The following ARHGAP45 variants were observed in gnomAD, a reference collection of about 807,000 sequenced individuals.
ARHGAP45 encodes Rho GTPase activating protein 45, also known as rho GTPase-activating protein 45.
In ARHGAP45, 56 loss-of-function variants were observed where a neutral mutation model predicts 116.1. The ratio of observed to expected loss-of-function variants is 0.48; its 90% CI spans 0.39 to 0.60. ARHGAP45 has a LOEUF of 0.60. Ranked by LOEUF, ARHGAP45 falls within the 20% of genes least tolerant of loss-of-function variation. The pLI is 0.00. For missense variants in ARHGAP45, 1,622 were observed against 1,601.0 expected, an observed-to-expected ratio of 1.01 and a Z score of -0.22; for synonymous variants, 866 against 701.7, an observed-to-expected ratio of 1.23 and a Z score of -3.70.
rs761174792 is a variant in ARHGAP45 at position 1,080,896 on chromosome 19, C to A, written c.2022C>A (p.Asp674Glu). 1.2e-6 allele frequency: 2 copies of A among 1,608,214 alleles called. No homozygotes were observed. Among genetic ancestry groups the A allele is most frequent in the Admixed American group, 1.7e-5 (1 of 59,748 alleles). The change falls in exon 17 of 23, where the codon GAC (aspartate) becomes GAA (glutamate). Residue 674 changes from aspartate (D) to glutamate (E), a missense_variant. Transcript: ENST00000313093. ...GAGASAFEQA[D>E]LNGMTPELPV... ...GGCTGCCTGTGCTGCCCGCAGCTGACCTCAACGGCATGACCCCCGAGCTGC... is the reference window on the plus strand; with the variant it reads ...GGCTGCCTGTGCTGCCCGCAGCTGAACTCAACGGCATGACCCCCGAGCTGC...
At chr19:1,081,280 G>A (rs1004428369) in intron 17 of ARHGAP45, 1 of 656,170 alleles carries the variant, frequency 1.5e-6, no homozygotes, top group Non-Finnish European at 2.6e-6. Flanking sequence ...CAGACCTGGA[G>A]GGTGAAGAGT....
chr19:1,067,114 G>C (rs997760454), upstream of ARHGAP45: 3 of 1,077,592 alleles, frequency 2.8e-6, no homozygotes, highest in South Asian at 4.2e-5. Context: ...AGGCGGAAGC[G>C]GGGGGCGCGG....
At chr19:1,082,637 G>C (rs1272225041) in intron 19 of ARHGAP45, 1 of 556,262 alleles carries the variant, frequency 1.8e-6, no homozygotes, top group Non-Finnish European at 3.1e-6. Context: ...GAAAGGGAGT[G>C]GAGCTGCGGG....
At chr19:1,066,420 T>G, upstream of ARHGAP45, 1 of 531,812 alleles carries the variant, frequency 1.9e-6, no homozygotes, top group South Asian at 2.2e-5. Flanking sequence ...CCAGAGTCAC[T>G]GGAATGCAGC....
intron 17 of ARHGAP45, 69 bp downstream of exon 17, chr19:1,081,133 C>T: frequency 2.7e-6 from 4 of 1,482,884 alleles, no homozygotes; most frequent in South Asian, 1.3e-5. Context: ...CACCGCCGGC[C>T]TGTGTGCCCT....
At position 1,085,983 on chromosome 19, in the gene ARHGAP45, G is replaced by A. The variant is rs758563893; in HGVS notation, c.3388G>A (p.Glu1130Lys). ...GCGGATGACACTGGGCTCCTGCAGGGAAAGGCAGCCGGAATTCGTGTGAGC... is the reference window on the plus strand; with the variant it reads ...GCGGATGACACTGGGCTCCTGCAGGAAAAGGCAGCCGGAATTCGTGTGAGC... ...GGRMTLGSCR[E>K]RQPEFV The change falls in exon 23 of 23, where the codon GAA becomes AAA. Residue 1130 changes from glutamate to lysine, a missense_variant. Coordinates refer to ENST00000313093, the MANE Select transcript of ARHGAP45 (RefSeq NM_012292.5). 6.2e-7 allele frequency: 1 copy of A among 1,612,408 alleles called. No homozygotes were observed. The highest frequency in any genetic ancestry group is 8.5e-7 in the Non-Finnish European group (1 of 1,179,714).
chr19:1,074,326 C>G lies in ARHGAP45; in HGVS notation c.929-17C>G. 1 of 1,611,108 alleles carries G rather than the reference C, an allele frequency of 6.2e-7. No individual in the cohort carries two copies. Among genetic ancestry groups the G allele is most frequent in the Non-Finnish European group, 8.5e-7 (1 of 1,178,886 alleles). On this transcript the variant is annotated splice_polypyrimidine_tract_variant and intron_variant, in intron 7 of 22. Coordinates refer to ENST00000313093, the MANE Select transcript of ARHGAP45 (RefSeq NM_012292.5). ...AAGGCCTTGTCCCAGCACCTCACAC[C>G]CCTCTCCGGCCCGCAGAGATGGAGT... is the stretch of plus-strand genomic sequence containing the variant.
At chr19:1,085,552 T>TCTCCTGTCTCTCCATCC in intron 22 of ARHGAP45, 108 bp from the exon 23 acceptor site, 1 of 759,588 alleles carries the variant, frequency 1.3e-6, no homozygotes, top group Non-Finnish European at 2.1e-6. Flanking sequence ...TCTCTCCATC[T>TCTCCTGTCTCTCCATCC]CTCTCCCCCC....
chr19:1,067,520 G>A lies in ARHGAP45; in HGVS notation c.90+25G>A, dbSNP rs778194698. ...GGTGAGTGGAGCCCGGGTGAGACCC[G>A]GAGCTGACGCCGGGCCGCAGGGGGA... On this transcript the variant is annotated intron_variant, in intron 1 of 22. Transcript: ENST00000313093. 5.1e-6 allele frequency: 8 copies of A among 1,570,080 alleles called. No individual in the cohort carries two copies. The East Asian group carries it at 6.9e-5, about 14-fold the overall frequency.
Position 1,086,551 on chromosome 19 carries a change from G to A in ARHGAP45, c.*545G>A, listed in dbSNP as rs1307661776. ...TGGCCACCTGGGGCTCAGGTACACA[G>A]TGGGGTCTCTCGGAAGCCACCGTGT... On this transcript the variant is annotated 3_prime_UTR_variant, in exon 23 of 23. Coordinates refer to ENST00000313093, the MANE Select transcript of ARHGAP45 (RefSeq NM_012292.5). The A allele has an allele frequency of 6.6e-6, 1 of 152,590 alleles. No individual in the cohort carries two copies. The highest frequency in any genetic ancestry group is 6.5e-5 in the Admixed American group (1 of 15,288). 9.5% of individuals were successfully genotyped at this position (152,590 alleles called of 1,614,324 possible).
intron 21 of ARHGAP45, 121 bp from the exon 22 acceptor site, chr19:1,084,117 C>A: frequency 1.1e-6 from 1 of 907,574 alleles, no homozygotes; most frequent in Non-Finnish European, 1.8e-6. Context: ...TGGCTGAGGA[C>A]AGACCGCCTG....
chr19:1,082,767 C>A, intron 19 of ARHGAP45, 73 bp from the exon 20 acceptor site: 1 of 1,300,902 alleles, frequency 7.7e-7, no homozygotes, highest in Non-Finnish European at 1.0e-6. Flanking sequence ...GGGGCTGAGG[C>A]TGGGGGCGTG....
chr19:1,077,306 G>C, intron 10 of ARHGAP45: 1 of 985,280 alleles, frequency 1.0e-6, no homozygotes, highest in Non-Finnish European at 1.2e-6. Context: ...TCAGCTTCCC[G>C]GGCTGCAGAG....
At chr19:1,075,829 C>T (rs1046070636) in intron 10 of ARHGAP45, among the ~76,000 whole-genome samples, 4 of 152,112 alleles carry the variant, frequency 2.6e-5, no homozygotes, top group Non-Finnish European at 5.9e-5. Context: ...TTTTTGTTTG[C>T]TTTTTAGCTG....
upstream of ARHGAP45, chr19:1,066,473 G>A (rs2043033501): frequency 7.0e-6 from 3 of 426,308 alleles, no homozygotes; most frequent in Non-Finnish European, 1.3e-5. Flanking sequence ...GCAGGTCTGG[G>A]GCAACATGAT....
At chr19:1,067,823 A>T (rs1610096) in intron 1 of ARHGAP45, 2 of 600,912 alleles carry the variant, frequency 3.3e-6, no homozygotes, top group Non-Finnish European at 6.0e-6. Flanking sequence ...TGGGGGCTCT[A>T]GGGGCCGTTG....
At chr19:1,072,637 G>A (rs1599753936) in intron 2 of ARHGAP45, among the ~76,000 whole-genome samples, 2 of 152,284 alleles carry the variant, frequency 1.3e-5, no homozygotes, top group African/African-American at 2.4e-5. Flanking sequence ...CTATTGCCCT[G>A]GAGATAAAGC....
In ARHGAP45 at chr19:1,081,690, C is replaced by T; in HGVS notation, c.2331C>T (p.Ile777=). The T allele has an allele frequency of 1.9e-6, 3 of 1,588,374 alleles. No homozygotes were observed. The highest frequency in any genetic ancestry group is 2.6e-6 in the Non-Finnish European group (3 of 1,167,466). ...ARSAPDGVPF[I]VKKCVCEIER... Reference sequence around the variant, plus strand: ...GCGCCCCCGACGGCGTGCCCTTCATCGTCAAGAAGTGCGTCTGCGAGATCG... The same window carrying T: ...GCGCCCCCGACGGCGTGCCCTTCATTGTCAAGAAGTGCGTCTGCGAGATCG... The change falls in exon 18 of 23, where the codon ATC becomes ATT. Residue 777 remains isoleucine (I), a synonymous_variant. Coordinates refer to ENST00000313093, the MANE Select transcript of ARHGAP45 (RefSeq NM_012292.5).
intron 10 of ARHGAP45, among the ~76,000 whole-genome samples, chr19:1,075,266 C>T (rs1232352327): frequency 1.5e-5 from 2 of 136,442 alleles, no homozygotes; most frequent in Non-Finnish European, 3.1e-5. Flanking sequence ...TACGGAGTCT[C>T]GCTCTGTCGC....
Sources: allele counts gnomAD v4.1 joint callset (sites outside exome capture counted in the v4.1 genomes callset), GRCh38; gene constraint gnomAD v4.1.1; transcripts MANE v1.5; gene names NCBI Gene and HGNC (gene_info 2026-07-23, HGNC 2026-07-21).